The following PRMT9 variants were observed in gnomAD, a reference collection of about 807,000 sequenced individuals.
PRMT9 encodes the protein protein arginine N-methyltransferase 9.
PRMT9 carries 59 observed loss-of-function variants against 83.2 expected under a neutral mutation model. The observed-to-expected ratio is 0.71, with a 90% CI of 0.57 to 0.88. The LOEUF (loss-of-function observed/expected upper bound fraction) is 0.88, where lower values mean the gene tolerates loss of function less well. PRMT9 is among the 40% of genes least tolerant of loss of function. PRMT9 has a pLI of 0.00. For missense variants in PRMT9, 947 were observed against 1,021.9 expected (o/e 0.93, Z 1.00); for synonymous variants, 333 against 353.2 (o/e 0.94, Z 0.64).
Position 147,654,082 on chromosome 4 carries a change from T to C in PRMT9, c.1815A>G (p.Lys605=). ...GGTCTTTCTCCACAGAACTGTATGG[T>C]TTAACCTGCCCAAGTGTGCCAGCAA... ...PVIAGTLGQV[K]PYSSVEKDQH... Residue 605 remains lysine, a synonymous_variant, in exon 9 of 12, where the codon AAA becomes AAG. Coordinates refer to ENST00000322396, the MANE Select transcript of PRMT9 (RefSeq NM_138364.4). 6.2e-7 allele frequency: 1 copy of C among 1,614,198 alleles called. No homozygotes were observed. The highest frequency in any genetic ancestry group is 8.5e-7 in the Non-Finnish European group (1 of 1,180,032).
chr4:147,657,763 G>A (rs748085403), intron 8 of PRMT9, 29 bp downstream of exon 8: 2 of 1,574,096 alleles, frequency 1.3e-6, no homozygotes, highest in Non-Finnish European at 8.7e-7. Context: ...TAAAGCAAGA[G>A]GTTAAAAAAA....
chr4:147,677,560 T>G (rs1736173087), intron 2 of PRMT9, among the ~76,000 whole-genome samples: 1 of 151,520 alleles, frequency 6.6e-6, no homozygotes, highest in South Asian at 2.1e-4. Context: ...TTCAAGCAAT[T>G]TTCCTACCTC....
At chr4:147,652,060 T>A (rs886951788) in intron 9 of PRMT9, among the ~76,000 whole-genome samples, 1 of 152,136 alleles carries the variant, frequency 6.6e-6, no homozygotes, top group African/African-American at 2.4e-5. Flanking sequence ...ATTTGCAAAT[T>A]CATGTGTCAC....
chr4:147,672,982 C>T lies in PRMT9; in HGVS notation c.720G>A (p.Glu240=). 1 of 1,613,810 alleles carries T rather than the reference C, an allele frequency of 6.2e-7. No individual in the cohort carries two copies. Among genetic ancestry groups the T allele is most frequent in the Non-Finnish European group, 8.5e-7 (1 of 1,179,812 alleles). ...KLLHTKSLDI[E]IPKHIPERVS... ...ACCTTTCGGGAATATGTTTTGGAAT[C>T]TCTATGTCAAGTGACTTCGTATGTA... Residue 240 remains glutamate (E), a synonymous_variant, in exon 4 of 12, where the codon GAG becomes GAA. Transcript: ENST00000322396.
Position 147,683,874 on chromosome 4 carries a change from G to A in PRMT9, c.114C>T (p.Val38=), listed in dbSNP as rs200596602. The A allele has an allele frequency of 6.2e-7, 1 of 1,613,696 alleles. No homozygotes were observed. The highest frequency in any genetic ancestry group is 2.2e-5 in the East Asian group (1 of 44,866). ...SLQSAEHCLG[V]QDFGTAYAHY... ...GGGCATAGGCAGTGCCGAAGTCCTG[G>A]ACGCCCAGACAGTGCTCTGCGCTCT... Residue 38 remains valine (V), a synonymous_variant, in exon 1 of 12, where the codon GTC becomes GTT. Coordinates refer to ENST00000322396, the MANE Select transcript of PRMT9 (RefSeq NM_138364.4).
At chr4:147,640,306 CA>C (rs1733312230) in intron 10 of PRMT9, among the ~76,000 whole-genome samples, 1 of 151,910 alleles carries the variant, frequency 6.6e-6, no homozygotes, top group Non-Finnish European at 1.5e-5. Flanking sequence ...CTCCTGGACT[CA>C]AACAATCTGC....
intron 6 of PRMT9, among the ~76,000 whole-genome samples, chr4:147,668,126 A>G (rs906300583): frequency 6.6e-6 from 1 of 152,160 alleles, no homozygotes; most frequent in African/African-American, 2.4e-5. Flanking sequence ...AATATTTACT[A>G]TTTAAATAGT....
At position 147,638,946 on chromosome 4, in the gene PRMT9, C is replaced by T. The variant is rs1346155902; in HGVS notation, c.2322+14G>A. The T allele has an allele frequency of 1.2e-6, 2 of 1,608,012 alleles. No homozygotes were observed. Among genetic ancestry groups the T allele is most frequent in the Non-Finnish European group, 8.5e-7 (1 of 1,174,744 alleles). On this transcript the variant is annotated intron_variant, in intron 11 of 11. Coordinates refer to ENST00000322396, the MANE Select transcript of PRMT9 (RefSeq NM_138364.4). ...AACAATAACAAACGAAATCATTTTG[C>T]ATGTTGTCCTTACCTTTACTTCTCT...
At chr4:147,679,213 C>A (rs1324409308) in intron 2 of PRMT9, among the ~76,000 whole-genome samples, 2 of 152,216 alleles carry the variant, frequency 1.3e-5, no homozygotes, top group Admixed American at 1.3e-4. Flanking sequence ...CAGAGGATCG[C>A]TTGAGCCCAG....
intron 9 of PRMT9, among the ~76,000 whole-genome samples, chr4:147,644,373 T>TAAAAA (rs56271212): frequency 7.0e-6 from 1 of 143,000 alleles, no homozygotes. Context: ...ATGCAAAATT[T>TAAAAA]AAAAAAAAAA....
intron 9 of PRMT9, among the ~76,000 whole-genome samples, chr4:147,644,539 TAAAAAAAAA>T (rs35094215): frequency 2.7e-5 from 3 of 111,886 alleles, no homozygotes; most frequent in Non-Finnish European, 5.2e-5. Context: ...TGCTTATGGT[TAAAAAAAAA>T]AAAAAAAAAA....
chr4:147,684,146 GA>G lies in PRMT9; in HGVS notation c.-160del, dbSNP rs1039067593. ...GAACTCGCCAACCCCAGCCCAGGCG[GA>G]AGCTCCGCCCCGTCCTGGCCCCGCG... On this transcript the variant is annotated 5_prime_UTR_variant, in exon 1 of 12. Transcript: ENST00000322396. 4 of 857,016 alleles carry G rather than the reference GA, an allele frequency of 4.7e-6. No homozygotes were observed. The highest frequency in any genetic ancestry group is 2.1e-5 in the Admixed American group (1 of 48,040). 53.1% of individuals were successfully genotyped at this position (857,016 alleles called of 1,614,324 possible).
chr4:147,683,385 G>C (rs1020938497), intron 1 of PRMT9, among the ~76,000 whole-genome samples: 10 of 152,196 alleles, frequency 6.6e-5, no homozygotes, highest in Non-Finnish European at 1.2e-4. Context: ...CTGCAGGAGA[G>C]AGCTCAGTTG....
At chr4:147,654,759 C>CT (rs1224995572) in intron 8 of PRMT9, among the ~76,000 whole-genome samples, 193 bp from the exon 9 acceptor site, 1 of 152,138 alleles carries the variant, frequency 6.6e-6, no homozygotes, top group Non-Finnish European at 1.5e-5. Context: ...AATTTGAATA[C>CT]TCAATTAACC....
chr4:147,660,759 CAT>C (rs1218981711), intron 7 of PRMT9, 85 bp downstream of exon 7: 2 of 820,968 alleles, frequency 2.4e-6, no homozygotes, highest in African/African-American at 3.4e-5. Flanking sequence ...CATGCAAACT[CAT>C]AAAATAAAGA....
At chr4:147,674,113 T>C (rs940211530) in intron 2 of PRMT9, among the ~76,000 whole-genome samples, 2 of 152,184 alleles carry the variant, frequency 1.3e-5, no homozygotes, top group African/African-American at 4.8e-5. Context: ...TGACTATAAA[T>C]TACTGTTATA....
intron 7 of PRMT9, among the ~76,000 whole-genome samples, 163 bp downstream of exon 7, chr4:147,660,683 A>G (rs1289673895): frequency 6.6e-6 from 1 of 152,180 alleles, no homozygotes; most frequent in African/African-American, 2.4e-5. Flanking sequence ...AAGAAAGCAA[A>G]TAATTTCAGG....
intron 9 of PRMT9, 44 bp downstream of exon 9, chr4:147,653,808 C>T (rs1578893144): frequency 7.1e-7 from 1 of 1,412,298 alleles, no homozygotes; most frequent in Non-Finnish European, 9.9e-7. Context: ...AAAATCTGAC[C>T]TCAAAAAAAA....
intron 9 of PRMT9, among the ~76,000 whole-genome samples, chr4:147,653,554 T>C (rs548234510): frequency 1.3e-5 from 2 of 151,920 alleles, no homozygotes; most frequent in South Asian, 4.2e-4. Flanking sequence ...AAGGCTGGGG[T>C]TGAGAAAAAT....
Sources: gnomAD v4.1 joint callset for allele counts (sites outside exome capture counted in the v4.1 genomes callset) on GRCh38, gnomAD v4.1.1 for gene constraint, MANE v1.5 for transcripts, NCBI Gene and HGNC (gene_info 2026-07-23, HGNC 2026-07-21) for gene names.